DPP6: variants seen among roughly 807,000 people sequenced by gnomAD.
DPP6 encodes A-type potassium channel modulatory protein DPP6.
In DPP6, 69 loss-of-function variants were observed where a neutral mutation model predicts 122.6. The observed-to-expected ratio is 0.56, with a 90% CI of 0.46 to 0.69. The LOEUF (loss-of-function observed/expected upper bound fraction) is 0.69, where lower values mean the gene tolerates loss of function less well. Among genes scored for constraint, DPP6 ranks in the 30% least tolerant of loss-of-function variants. The pLI is 0.00. For missense variants in DPP6, 928 were observed against 1,116.9 expected (o/e 0.83, Z 2.41); for synonymous variants, 418 against 433.1 (o/e 0.97, Z 0.43).
the DPP6 span, among the ~76,000 whole-genome samples, chr7:153,875,623 TATG>T: frequency 6.6e-6 from 1 of 152,056 alleles, no homozygotes; most frequent in East Asian, 1.9e-4. Flanking sequence ...TTGAAATTAA[TATG>T]ATTATCAATA....
chr7:154,176,473 G>T (rs1797806737), intron 1 of DPP6, among the ~76,000 whole-genome samples: 1 of 152,338 alleles, frequency 6.6e-6, no homozygotes, highest in African/African-American at 2.4e-5. Context: ...GGAAAGAAAA[G>T]GTAATGTTAT....
intron 1 of DPP6, among the ~76,000 whole-genome samples, chr7:154,384,305 C>T (rs1336287366): frequency 2.6e-5 from 4 of 152,160 alleles, no homozygotes; most frequent in African/African-American, 9.7e-5. Context: ...AAGGACAAGT[C>T]AAGGCATTGT....
intron 1 of DPP6, among the ~76,000 whole-genome samples, chr7:153,960,696 T>C (rs1381619883): frequency 7.8e-6 from 1 of 127,780 alleles, no homozygotes; most frequent in Non-Finnish European, 1.6e-5. Context: ...CGTGTGCATG[T>C]GTGTGTGAAT....
At chr7:154,018,722 A>T (rs1186502144) in intron 1 of DPP6, among the ~76,000 whole-genome samples, 1 of 152,270 alleles carries the variant, frequency 6.6e-6, no homozygotes, top group Non-Finnish European at 1.5e-5. Flanking sequence ...ACTTGAACTC[A>T]TTAAAAGCAA....
At chr7:153,905,970 A>G (rs1258148093) in intron 1 of DPP6, among the ~76,000 whole-genome samples, 1 of 152,234 alleles carries the variant, frequency 6.6e-6, no homozygotes, top group African/African-American at 2.4e-5. Context: ...CTTCGAATAC[A>G]TAAAAGTTGG....
At chr7:154,712,125 C>G (rs1841226672) in intron 7 of DPP6, among the ~76,000 whole-genome samples, 1 of 152,232 alleles carries the variant, frequency 6.6e-6, no homozygotes, top group South Asian at 2.1e-4. Context: ...AACTCACATG[C>G]TAAACCTTGG....
At chr7:154,640,892 C>T (rs779438797) in intron 6 of DPP6, among the ~76,000 whole-genome samples, 4 of 152,162 alleles carry the variant, frequency 2.6e-5, no homozygotes, top group Non-Finnish European at 5.9e-5. Flanking sequence ...TTTCCTCGCT[C>T]CTCCCTCTAA....
At chr7:154,650,058 G>A (rs781123209) in intron 6 of DPP6, among the ~76,000 whole-genome samples, 16 of 152,184 alleles carry the variant, frequency 1.1e-4, no homozygotes, top group Non-Finnish European at 1.8e-4. Flanking sequence ...AGTGATTCAT[G>A]CCTATAATCC....
chr7:154,730,566 A>T (rs6972948), intron 8 of DPP6, among the ~76,000 whole-genome samples: 2,154 of 152,370 alleles, frequency 0.014, 52 homozygotes, highest in African/African-American at 0.046. Flanking sequence ...ATTTGTTAGT[A>T]GTATTTTTAT....
chr7:154,808,675 C>T lies in DPP6; in HGVS notation c.1666+1563C>T, dbSNP rs150599133. Among the ~76,000 whole-genome samples, 25 of 152,230 alleles carry T rather than the reference C, an allele frequency of 1.6e-4. No individual in the cohort carries two copies. In the East Asian group the frequency reaches 3.9e-3, roughly 23 times the overall value. The stretch of plus-strand genomic sequence containing the variant: ...GCCCAGTGACATCTGTCTCCTAGGG[C>T]GGGATCTTCTTGAAATAAGAACTTG... On this transcript the variant is annotated intron_variant, in intron 16 of 25. Transcript: ENST00000377770.
rs771306484 is a variant in DPP6 at position 154,703,153 on chromosome 7, G to T, written c.763-24614G>T. On this transcript the variant is annotated intron_variant, in intron 7 of 25. Transcript: ENST00000377770. ...ACTGTTGAGACCTACTGCTCAGAAA[G>T]AAAGATTTCCTTTAAGATATTACTG... Among the ~76,000 whole-genome samples the T allele has an allele frequency of 3.2e-4, 49 of 152,294 alleles. No homozygotes were observed. The Middle Eastern group carries it at 0.017, about 53-fold the overall frequency.
chr7:154,213,961 G>A (rs903143053), intron 1 of DPP6, among the ~76,000 whole-genome samples: 1 of 152,210 alleles, frequency 6.6e-6, no homozygotes, highest in African/African-American at 2.4e-5. Context: ...TGAGGGCTGA[G>A]CAAATGGGAA....
intron 1 of DPP6, among the ~76,000 whole-genome samples, chr7:154,297,883 G>C (rs1055288084): frequency 6.6e-6 from 1 of 152,162 alleles, no homozygotes; most frequent in African/African-American, 2.4e-5. Flanking sequence ...CAGATGCTGC[G>C]ACGAGCTTTT....
At chr7:154,798,789 T>C (rs551505901) in intron 12 of DPP6, among the ~76,000 whole-genome samples, 1 of 152,344 alleles carries the variant, frequency 6.6e-6, no homozygotes, top group East Asian at 1.9e-4. Flanking sequence ...GACATTGTTT[T>C]TTTCGTAAAG....
chr7:154,332,181 C>T (rs1423045709), intron 1 of DPP6, among the ~76,000 whole-genome samples: 2 of 151,956 alleles, frequency 1.3e-5, no homozygotes, highest in African/African-American at 4.8e-5. Context: ...AAGTGATTCT[C>T]CTGCCTCAGC....
chr7:153,944,695 A>C (rs112702239), intron 1 of DPP6, among the ~76,000 whole-genome samples: 1 of 126,680 alleles, frequency 7.9e-6, no homozygotes, highest in Non-Finnish European at 1.6e-5. Flanking sequence ...TTGAGACAGA[A>C]TTTCGGCCCA....
chr7:154,545,212 C>T (rs1053868213), intron 4 of DPP6, among the ~76,000 whole-genome samples: 2 of 152,010 alleles, frequency 1.3e-5, no homozygotes, highest in African/African-American at 4.8e-5. Flanking sequence ...ACGTTTCATG[C>T]TCCTTATAAG....
At chr7:153,803,485 C>T in the DPP6 span, among the ~76,000 whole-genome samples, 1 of 151,936 alleles carries the variant, frequency 6.6e-6, no homozygotes, top group African/African-American at 2.4e-5. Context: ...GGGGATGCTT[C>T]ACCTCATCTT....
At chr7:154,354,501 T>C (rs908308217) in intron 1 of DPP6, among the ~76,000 whole-genome samples, 4 of 152,164 alleles carry the variant, frequency 2.6e-5, no homozygotes, top group African/African-American at 9.7e-5. Flanking sequence ...TTCCAGTATA[T>C]CCTGCAAATG....
Sources: gnomAD v4.1 joint callset for allele counts (sites outside exome capture counted in the v4.1 genomes callset) on GRCh38, gnomAD v4.1.1 for gene constraint, MANE v1.5 for transcripts, NCBI Gene and HGNC (gene_info 2026-07-23, HGNC 2026-07-21) for gene names.